LGR5: variants seen among roughly 807,000 people sequenced by gnomAD.
LGR5 encodes the protein leucine-rich repeat-containing G protein-coupled receptor 5.
Under a neutral mutation model 76.7 loss-of-function variants are expected in LGR5, and 54 were observed. That is an observed-to-expected ratio of 0.70 (90% confidence interval 0.57 to 0.88). LGR5 has a LOEUF of 0.88. Ranked by LOEUF, LGR5 falls within the 40% of genes least tolerant of loss-of-function variation. LGR5 has a pLI of 0.00. For synonymous variants in LGR5, 406 were observed against 421.9 expected (o/e 0.96, Z 0.46); for missense variants, 1,078 against 1,073.3 (o/e 1.00, Z -0.06).
intron 1 of LGR5, among the ~76,000 whole-genome samples, chr12:71,443,716 A>G (rs1404285157): frequency 2.0e-5 from 3 of 152,198 alleles, no homozygotes; most frequent in African/African-American, 7.2e-5. Context: ...GTGTCTGTCT[A>G]GTTAGTGTGA....
At chr12:71,495,030 G>A (rs542931389) in intron 1 of LGR5, among the ~76,000 whole-genome samples, 3 of 150,928 alleles carry the variant, frequency 2.0e-5, no homozygotes, top group Non-Finnish European at 4.4e-5. Context: ...CCTTTTGCCT[G>A]GTTCCTTGAT....
chr12:71,454,497 A>T (rs1872381969), intron 1 of LGR5, among the ~76,000 whole-genome samples: 1 of 152,212 alleles, frequency 6.6e-6, no homozygotes, highest in South Asian at 2.1e-4. Context: ...GATCTCTCTC[A>T]GACAAAGGGA....
At chr12:71,450,808 G>A (rs781509679) in intron 1 of LGR5, among the ~76,000 whole-genome samples, 9 of 151,974 alleles carry the variant, frequency 5.9e-5, no homozygotes, top group Admixed American at 2.0e-4. Context: ...CGTAGACCTC[G>A]AACACATACG....
chr12:71,559,216 C>T (rs1228224443), intron 6 of LGR5, among the ~76,000 whole-genome samples: 5 of 152,148 alleles, frequency 3.3e-5, no homozygotes, highest in East Asian at 1.9e-4. Context: ...TGCAAATTCA[C>T]GCTGGCCAAT....
At position 71,553,147 on chromosome 12, in the gene LGR5, G is replaced by GTTAACA. The variant is rs1222361441; in HGVS notation, c.503_504insTTAACA (p.Trp168delinsCysTer). 1 of 1,613,872 alleles carries GTTAACA rather than the reference G, an allele frequency of 6.2e-7. No individual in the cohort carries two copies. Among genetic ancestry groups the GTTAACA allele is most frequent in the Non-Finnish European group, 8.5e-7 (1 of 1,180,020 alleles). ...GGCCTGCATTCCCTGAGGCACCTGT[G>GTTAACA]GCTGGATGACAATGCGTTAACAGAA... is the stretch of plus-strand genomic sequence containing the variant. On this transcript the variant is annotated stop_gained and protein_altering_variant, in exon 5 of 18. Coordinates refer to ENST00000266674, the MANE Select transcript of LGR5 (RefSeq NM_003667.4). LOFTEE classifies it high-confidence loss of function.
At chr12:71,559,480 C>A in intron 6 of LGR5, 106 bp from the exon 7 acceptor site, 1 of 622,330 alleles carries the variant, frequency 1.6e-6, no homozygotes, top group Non-Finnish European at 2.9e-6. Context: ...TGAGAACTTC[C>A]ATTAGTCATA....
chr12:71,565,616 G>T (rs1878305355), intron 8 of LGR5, among the ~76,000 whole-genome samples: 1 of 149,740 alleles, frequency 6.7e-6, no homozygotes, highest in Non-Finnish European at 1.5e-5. Flanking sequence ...CAAACCCCCA[G>T]CATCTAGTAT....
At chr12:71,461,162 G>A (rs1872670286) in intron 1 of LGR5, among the ~76,000 whole-genome samples, 1 of 152,162 alleles carries the variant, frequency 6.6e-6, no homozygotes, top group South Asian at 2.1e-4. Flanking sequence ...CTATGTGTCT[G>A]CCCTGCCCCC....
chr12:71,482,140 A>T (rs1873635564), intron 1 of LGR5, among the ~76,000 whole-genome samples: 1 of 152,160 alleles, frequency 6.6e-6, no homozygotes, highest in East Asian at 1.9e-4. Flanking sequence ...AAAAAGGCAA[A>T]CCTAATAGTT....
chr12:71,570,841 T>C (rs1190517636), intron 11 of LGR5, among the ~76,000 whole-genome samples: 2 of 152,216 alleles, frequency 1.3e-5, no homozygotes, highest in South Asian at 2.1e-4. Context: ...AATGTGTTAG[T>C]TGATTAGCTG....
chr12:71,457,852 G>A (rs1592457987), intron 1 of LGR5, among the ~76,000 whole-genome samples: 1 of 152,210 alleles, frequency 6.6e-6, no homozygotes, highest in East Asian at 1.9e-4. Context: ...CTTCTCTCAT[G>A]TACACAGACC....
At chr12:71,483,026 T>G (rs113650907) in intron 1 of LGR5, among the ~76,000 whole-genome samples, 2 of 152,162 alleles carry the variant, frequency 1.3e-5, no homozygotes, top group Admixed American at 6.5e-5. Flanking sequence ...TTGGGAAAAT[T>G]TGTGGGCATC....
chr12:71,470,949 C>T (rs1362184453), intron 1 of LGR5, among the ~76,000 whole-genome samples: 5 of 152,168 alleles, frequency 3.3e-5, no homozygotes, highest in South Asian at 2.1e-4. Flanking sequence ...AATGAGCTCC[C>T]GCAGCATCTT....
intron 1 of LGR5, among the ~76,000 whole-genome samples, chr12:71,484,727 C>T (rs1032671845): frequency 2.0e-5 from 3 of 152,178 alleles, no homozygotes; most frequent in Non-Finnish European, 2.9e-5. Flanking sequence ...TGAGTACACA[C>T]GGTTCCTACG....
intron 11 of LGR5, 91 bp from the exon 12 acceptor site, chr12:71,571,423 A>G: frequency 1.1e-6 from 1 of 915,386 alleles, no homozygotes; most frequent in Non-Finnish European, 1.7e-6. Context: ...TTTGGGAGAT[A>G]TAACATCTTG....
intron 4 of LGR5, among the ~76,000 whole-genome samples, chr12:71,544,942 G>A (rs899979026): frequency 1.3e-5 from 2 of 152,068 alleles, no homozygotes; most frequent in African/African-American, 4.8e-5. Context: ...TACTGTTTAA[G>A]AGGGTTGGTC....
At chr12:71,486,055 C>T (rs759470250) in intron 1 of LGR5, among the ~76,000 whole-genome samples, 21 of 152,176 alleles carry the variant, frequency 1.4e-4, no homozygotes, top group Admixed American at 3.9e-4. Flanking sequence ...TGAGCCAGCA[C>T]GCCAGGCCAA....
intron 2 of LGR5, among the ~76,000 whole-genome samples, chr12:71,520,124 C>T (rs1875654075): frequency 6.6e-6 from 1 of 151,844 alleles, no homozygotes; most frequent in East Asian, 1.9e-4. Flanking sequence ...TCACTGTTCA[C>T]AAGAGCCAAA....
intron 7 of LGR5, 60 bp from the exon 8 acceptor site, chr12:71,561,721 G>A (rs1282543449): frequency 8.9e-6 from 8 of 901,912 alleles, no homozygotes; most frequent in African/African-American, 1.7e-5. Context: ...CAGGGTGGGG[G>A]CCTCTATTAA....
Sources: allele counts gnomAD v4.1 joint callset (sites outside exome capture counted in the v4.1 genomes callset), GRCh38; gene constraint gnomAD v4.1.1; transcripts MANE v1.5; gene names NCBI Gene and HGNC (gene_info 2026-07-23, HGNC 2026-07-21).